Variants in BICD2 observed in about 807,000 individuals in gnomAD.
The protein encoded by BICD2 is protein bicaudal D homolog 2.
Under a neutral mutation model 72.9 loss-of-function variants are expected in BICD2, and 25 were observed. That is an observed-to-expected ratio of 0.34 (90% CI 0.25 to 0.48). The LOEUF is 0.48. Among genes scored for constraint, BICD2 ranks in the 20% least tolerant of loss-of-function variants. BICD2 has a pLI of 0.99. For missense variants in BICD2, 894 were observed against 1,175.2 expected, an observed-to-expected ratio of 0.76 and a Z score of 3.50; for synonymous variants, 501 against 516.1, an observed-to-expected ratio of 0.97 and a Z score of 0.40.
At chr9:92,750,341 C>A (rs980478887) in intron 1 of BICD2, among the ~76,000 whole-genome samples, 3 of 151,912 alleles carry the variant, frequency 2.0e-5, no homozygotes, top group African/African-American at 7.3e-5. Flanking sequence ...AGAACTTGTA[C>A]GTGAATGTTT....
chr9:92,720,205 A>T lies in BICD2; in HGVS notation c.1062+95T>A. On this transcript the variant is annotated intron_variant, in intron 4 of 6. Transcript: ENST00000356884. The surrounding 1 kb of genome is among the most constrained non-coding windows in gnomAD (Gnocchi z 5.4). ...TAAAATCAACGTAAGGAAAAGGGAA[A>T]GTTAACATCAGCAGAGTGTCAGGTA... 1 of 1,226,110 alleles carries T rather than the reference A, an allele frequency of 8.2e-7. No homozygotes were observed. Among genetic ancestry groups the T allele is most frequent in the Non-Finnish European group, 1.1e-6 (1 of 896,946 alleles). The allele number at this position is 1,226,110 out of a possible 1,614,324, so 76.0% of individuals were successfully genotyped here.
chr9:92,715,074 C>A lies in BICD2; in HGVS notation c.*80G>T, dbSNP rs891280557. On this transcript the variant is annotated 3_prime_UTR_variant, in exon 7 of 7. Coordinates refer to ENST00000356884, the MANE Select transcript of BICD2 (RefSeq NM_001003800.2). ...TGTGCATTAGTCACGTTAAGATTGA[C>A]CTAGCACCGCCGTCCCGCTGCTGCT... 106 of 1,505,146 alleles carry A rather than the reference C, an allele frequency of 7.0e-5. No homozygotes were observed. In the Admixed American group the frequency reaches 2.1e-3, roughly 30 times the overall value. 93.2% of individuals were successfully genotyped at this position (1,505,146 alleles called of 1,614,324 possible). A position where few individuals can be genotyped will look rare whatever the true frequency, so the allele number is the denominator to read the frequency against.
At chr9:92,757,062 C>T (rs1854274131) in intron 1 of BICD2, among the ~76,000 whole-genome samples, 1 of 152,014 alleles carries the variant, frequency 6.6e-6, no homozygotes, top group African/African-American at 2.4e-5. Flanking sequence ...GTCTGTAATC[C>T]TAGCACCTTG....
chr9:92,727,139 C>G (rs1456341820), intron 2 of BICD2, among the ~76,000 whole-genome samples: 1 of 152,172 alleles, frequency 6.6e-6, no homozygotes, highest in Non-Finnish European at 1.5e-5. Context: ...CACCCTGAGT[C>G]TAAGCCAAGC....
chr9:92,760,701 G>A (rs1244266059), intron 1 of BICD2, among the ~76,000 whole-genome samples: 1 of 152,148 alleles, frequency 6.6e-6, no homozygotes, highest in African/African-American at 2.4e-5. Context: ...ACCCATCTGT[G>A]CTTCAGGTAT....
chr9:92,742,155 A>G (rs907221820), intron 1 of BICD2, among the ~76,000 whole-genome samples: 15 of 152,240 alleles, frequency 9.9e-5, no homozygotes, highest in Non-Finnish European at 1.8e-4. Context: ...ACAGCTACAG[A>G]CCTGGAAGGA....
At chr9:92,752,736 G>A (rs772139120) in intron 1 of BICD2, among the ~76,000 whole-genome samples, 9 of 152,180 alleles carry the variant, frequency 5.9e-5, no homozygotes, top group African/African-American at 1.4e-4. Flanking sequence ...CAGCCTGGGC[G>A]ACAGAGTGAG....
chr9:92,757,594 G>GA (rs1854286898), intron 1 of BICD2, among the ~76,000 whole-genome samples: 1 of 138,138 alleles, frequency 7.2e-6, no homozygotes, highest in East Asian at 2.6e-4. Context: ...ACTGCGGGGG[G>GA]GCGGGGGGGA....
intron 3 of BICD2, among the ~76,000 whole-genome samples, chr9:92,722,286 T>C (rs543867137): frequency 1.3e-5 from 2 of 152,084 alleles, no homozygotes; most frequent in East Asian, 1.9e-4. Flanking sequence ...TCCTTGTCCC[T>C]GTCACAGGCA....
intron 2 of BICD2, among the ~76,000 whole-genome samples, chr9:92,725,128 C>G (rs1853541497): frequency 6.6e-6 from 1 of 152,204 alleles, no homozygotes; most frequent in African/African-American, 2.4e-5. Flanking sequence ...AAGCAGAGAG[C>G]CTGGCCAGAT....
In BICD2 at chr9:92,713,597, A is replaced by AG. The variant is rs1853237412; in HGVS notation, c.*1556dup. 10 of 1,531,194 alleles carry AG rather than the reference A, an allele frequency of 6.5e-6. No individual in the cohort carries two copies. Among genetic ancestry groups the AG allele is most frequent in the Non-Finnish European group, 8.8e-6 (10 of 1,134,242 alleles). The allele number at this position is 1,531,194 out of a possible 1,614,324, so 94.9% of individuals were successfully genotyped here. On this transcript the variant is annotated 3_prime_UTR_variant, in exon 7 of 7. Transcript: ENST00000356884. ...GAAGAGAAGACCTGCATGTGTTAGC[A>AG]GGGGTCCCAGTGGCTTGGGTGTCTG...
chr9:92,721,506 T>C (rs531775454), intron 3 of BICD2, among the ~76,000 whole-genome samples: 18 of 152,330 alleles, frequency 1.2e-4, no homozygotes, highest in African/African-American at 3.8e-4. Context: ...TTGCTAAAAC[T>C]ATTTCTTATT....
chr9:92,749,415 G>A (rs12236516), intron 1 of BICD2, among the ~76,000 whole-genome samples: 41,537 of 152,026 alleles, frequency 0.27, 6,822 homozygotes, highest in East Asian at 0.76. Context: ...TGCGGGGATC[G>A]CTAGGACTCA....
chr9:92,734,499 G>A (rs1160619597), intron 1 of BICD2, among the ~76,000 whole-genome samples: 1 of 137,630 alleles, frequency 7.3e-6, no homozygotes, highest in Admixed American at 7.5e-5. Flanking sequence ...GGGTGATAGA[G>A]CTAGACCCTG....
chr9:92,722,861 G>A (rs1307815636), intron 2 of BICD2, 53 bp from the exon 3 acceptor site: 10 of 1,608,826 alleles, frequency 6.2e-6, no homozygotes, highest in Middle Eastern at 1.6e-4. Flanking sequence ...GGGCACGAGA[G>A]GGGCTCAGTG....
intron 1 of BICD2, among the ~76,000 whole-genome samples, chr9:92,747,863 G>C (rs1854047754): frequency 6.6e-6 from 1 of 152,184 alleles, no homozygotes; most frequent in Non-Finnish European, 1.5e-5. Flanking sequence ...TGGCATGAAT[G>C]GAAGACAGAC....
rs983993344 is a variant in BICD2 at position 92,725,497 on chromosome 9, G to A, written c.454-2689C>T. ...AAGGGCTCAAACAGGCTGACTGGTC[G>A]CCATGGGGTTTAGTTTTCCCTCAAG... On this transcript the variant is annotated intron_variant, in intron 2 of 6. Coordinates refer to ENST00000356884, the MANE Select transcript of BICD2 (RefSeq NM_001003800.2). Among the ~76,000 whole-genome samples the A allele has an allele frequency of 1.2e-4, 18 of 152,230 alleles. 1 individual carries two copies. Among genetic ancestry groups the A allele is most frequent in the African/African-American group, 4.3e-4 (18 of 41,466 alleles).
At chr9:92,747,178 C>T (rs183107847) in intron 1 of BICD2, among the ~76,000 whole-genome samples, 25 of 152,280 alleles carry the variant, frequency 1.6e-4, no homozygotes, top group Admixed American at 1.5e-3. Flanking sequence ...CCCCAGTAGG[C>T]CAAATCTCAG....
intron 6 of BICD2, among the ~76,000 whole-genome samples, chr9:92,716,018 C>T (rs907908868): frequency 2.6e-5 from 4 of 152,158 alleles, no homozygotes; most frequent in African/African-American, 9.7e-5. Flanking sequence ...TCCTGAAACC[C>T]GGGTGCGGAG....
Sources: gnomAD v4.1 joint callset for allele counts (sites outside exome capture counted in the v4.1 genomes callset) on GRCh38, gnomAD v4.1.1 for gene constraint, Gnocchi (gnomAD v3.1) non-coding constraint, MANE v1.5 for transcripts, NCBI Gene and HGNC (gene_info 2026-07-23, HGNC 2026-07-21) for gene names.